Variants in HDAC9 observed in about 807,000 individuals in gnomAD.
HDAC9 encodes the protein histone deacetylase 9.
Under a neutral mutation model 139.4 loss-of-function variants are expected in HDAC9, and 41 were observed. That is an observed-to-expected ratio of 0.29 (90% confidence interval 0.23 to 0.38). The LOEUF is 0.38. Among genes scored for constraint, HDAC9 ranks in the 10% least tolerant of loss-of-function variants. HDAC9 has a pLI of 1.00. For synonymous variants in HDAC9, 517 were observed against 476.2 expected, an observed-to-expected ratio of 1.09 and a Z score of -1.12; for missense variants, 1,147 against 1,297.0, an observed-to-expected ratio of 0.88 and a Z score of 1.78.
At chr7:18,781,580 C>G (rs1272609956) in intron 16 of HDAC9, among the ~76,000 whole-genome samples, 1 of 152,034 alleles carries the variant, frequency 6.6e-6, no homozygotes, top group Non-Finnish European at 1.5e-5. Flanking sequence ...ATAGATTTGA[C>G]TTTATTACCT....
At chr7:18,693,735 T>C (rs1166708392) in intron 12 of HDAC9, among the ~76,000 whole-genome samples, 3 of 152,174 alleles carry the variant, frequency 2.0e-5, no homozygotes, top group Admixed American at 6.6e-5. Context: ...GCCTCTGATA[T>C]CTATTAGGAT....
intron 2 of HDAC9, among the ~76,000 whole-genome samples, chr7:18,563,689 A>G (rs774117424): frequency 2.0e-5 from 3 of 151,746 alleles, no homozygotes; most frequent in Non-Finnish European, 4.4e-5. Context: ...TATCTTTGGT[A>G]TGTTTTCTTG....
At chr7:18,611,928 G>A (rs1265273477) in intron 6 of HDAC9, among the ~76,000 whole-genome samples, 1 of 152,088 alleles carries the variant, frequency 6.6e-6, no homozygotes, top group Non-Finnish European at 1.5e-5. Flanking sequence ...TATTTAACAA[G>A]TTTTTCAAAT....
In HDAC9 at chr7:18,376,460, T is replaced by G. The variant is rs183050639; in HGVS notation, c.-42+85945T>G. On this transcript the variant is annotated intron_variant, in intron 1 of 3. Coordinates refer to the HDAC9 transcript ENST00000413509. ...TGCAGAATGCTTTGATTTATCAGCT[T>G]TGGTATATTAGGACTTCTGGCACTC... 4.8e-3 allele frequency among the ~76,000 whole-genome samples: 730 copies of G among 152,338 alleles called. 4 individuals carry two copies. Among genetic ancestry groups the G allele is most frequent in the Non-Finnish European group, 5.3e-3 (363 of 68,024 alleles).
chr7:18,658,928 C>CACAAAAGGCAATGGCAG (rs1489332351), intron 11 of HDAC9, among the ~76,000 whole-genome samples: 1 of 130,384 alleles, frequency 7.7e-6, no homozygotes, highest in African/African-American at 2.9e-5. Flanking sequence ...ACAACAACAA[C>CACAAAAGGCAATGGCAG]AACTTCTGCT....
intron 1 of HDAC9, among the ~76,000 whole-genome samples, chr7:18,095,308 G>A (rs902998924): frequency 1.3e-5 from 2 of 152,070 alleles, no homozygotes; most frequent in South Asian, 4.1e-4. Flanking sequence ...CTTACAAATG[G>A]AATTCTAGTA....
intron 1 of HDAC9, among the ~76,000 whole-genome samples, chr7:18,101,246 C>T (rs1212629870): frequency 6.6e-6 from 1 of 152,174 alleles, no homozygotes; most frequent in Non-Finnish European, 1.5e-5. Flanking sequence ...AATTCATCTC[C>T]TCAATTCAGG....
At chr7:18,895,515 G>C (rs1257373015) in intron 22 of HDAC9, among the ~76,000 whole-genome samples, 1 of 152,060 alleles carries the variant, frequency 6.6e-6, no homozygotes, top group East Asian at 1.9e-4. Context: ...AAAAGGACGA[G>C]AGCATGATTA....
intron 25 of HDAC9, among the ~76,000 whole-genome samples, chr7:18,992,630 C>G (rs950107134): frequency 2.6e-5 from 4 of 151,890 alleles, no homozygotes; most frequent in African/African-American, 9.7e-5. Flanking sequence ...ATTTTTAAAA[C>G]CACAAGAAAT....
At chr7:18,303,415 G>GTGTGTGTT (rs1562856261) in intron 1 of HDAC9, among the ~76,000 whole-genome samples, 1 of 123,424 alleles carries the variant, frequency 8.1e-6, no homozygotes, top group East Asian at 2.2e-4. Flanking sequence ...GTGTGTGTGT[G>GTGTGTGTT]TGTGTGTGTT....
At chr7:18,414,662 A>C (rs1788880297) in intron 1 of HDAC9, among the ~76,000 whole-genome samples, 1 of 152,200 alleles carries the variant, frequency 6.6e-6, no homozygotes, top group Non-Finnish European at 1.5e-5. Flanking sequence ...TTATTGAATA[A>C]ACAGGTTGGC....
At chr7:18,236,676 T>G (rs1793838211) in intron 2 of HDAC9, among the ~76,000 whole-genome samples, 3 of 152,194 alleles carry the variant, frequency 2.0e-5, no homozygotes, top group Admixed American at 1.3e-4. Context: ...CAGACAGACC[T>G]TGGTGCCTCA....
intron 12 of HDAC9, among the ~76,000 whole-genome samples, chr7:18,717,214 T>G (rs1784765789): frequency 6.6e-6 from 1 of 152,066 alleles, no homozygotes; most frequent in Non-Finnish European, 1.5e-5. Context: ...TAGAAAACAG[T>G]GAGCGCATTC....
intron 12 of HDAC9, among the ~76,000 whole-genome samples, chr7:18,674,238 C>T (rs1781357087): frequency 6.6e-6 from 1 of 152,004 alleles, no homozygotes; most frequent in Non-Finnish European, 1.5e-5. Context: ...ATTGCAATAG[C>T]CCCCTTTTAC....
chr7:18,888,704 A>T (rs1179914268), intron 22 of HDAC9, among the ~76,000 whole-genome samples: 15 of 152,266 alleles, frequency 9.9e-5, no homozygotes, highest in Admixed American at 9.8e-4. Flanking sequence ...TACATGGTTA[A>T]TGTAACTTTT....
At chr7:18,737,339 T>C (rs995463326) in intron 13 of HDAC9, among the ~76,000 whole-genome samples, 2 of 152,222 alleles carry the variant, frequency 1.3e-5, no homozygotes, top group African/African-American at 2.4e-5. Flanking sequence ...GTCTTGATTT[T>C]AGATCTTTCC....
intron 2 of HDAC9, among the ~76,000 whole-genome samples, chr7:18,212,142 T>G (rs375251647): frequency 1.3e-5 from 2 of 152,226 alleles, no homozygotes; most frequent in South Asian, 2.1e-4. Context: ...TCATCCCAAT[T>G]TGATGATTAG....
intron 1 of HDAC9, among the ~76,000 whole-genome samples, chr7:18,349,865 T>A (rs1157920676): frequency 6.6e-6 from 1 of 152,184 alleles, no homozygotes; most frequent in Non-Finnish European, 1.5e-5. Flanking sequence ...TAATACTTAG[T>A]ATATTTCAGT....
intron 21 of HDAC9, among the ~76,000 whole-genome samples, chr7:18,841,664 G>C (rs1367920168): frequency 6.6e-6 from 1 of 152,070 alleles, no homozygotes; most frequent in African/African-American, 2.4e-5. Context: ...AAGAGTATGG[G>C]ATAACAAAAC....
Sources: gnomAD v4.1 joint callset for allele counts (sites outside exome capture counted in the v4.1 genomes callset) on GRCh38, gnomAD v4.1.1 for gene constraint, MANE v1.5 for transcripts, NCBI Gene and HGNC (gene_info 2026-07-23, HGNC 2026-07-21) for gene names.